The following CDH12 variants were observed in gnomAD, a reference collection of about 807,000 sequenced individuals.
The protein encoded by CDH12 is cadherin 12, also known as cadherin-12.
A neutral mutation model predicts 74.1 loss-of-function variants in CDH12; 41 were observed. The observed-to-expected ratio is 0.55, with a 90% CI of 0.43 to 0.72. CDH12 has a LOEUF of 0.72. CDH12 is among the 30% of genes least tolerant of loss of function. CDH12 has a pLI of 0.00. For missense variants in CDH12, 945 were observed against 977.2 expected, an observed-to-expected ratio of 0.97 and a Z score of 0.44; for synonymous variants, 399 against 355.0, an observed-to-expected ratio of 1.12 and a Z score of -1.39.
At chr5:21,780,763 A>AT (rs1490716865) in intron 11 of CDH12, among the ~76,000 whole-genome samples, 5 of 152,168 alleles carry the variant, frequency 3.3e-5, no homozygotes, top group Non-Finnish European at 7.3e-5. Flanking sequence ...TAGACAACTC[A>AT]TTTTCACCAT....
chr5:22,498,183 T>A (rs1170798884), intron 2 of CDH12, among the ~76,000 whole-genome samples: 1 of 152,162 alleles, frequency 6.6e-6, no homozygotes, highest in Non-Finnish European at 1.5e-5. Context: ...CAAACTACCA[T>A]TTCCCCTTCT....
At chr5:22,309,833 A>G (rs764076598) in intron 3 of CDH12, among the ~76,000 whole-genome samples, 10 of 152,006 alleles carry the variant, frequency 6.6e-5, no homozygotes, top group Admixed American at 2.0e-4. Context: ...TATTCTTCCA[A>G]AATAAACCCC....
At chr5:22,507,156 G>A (rs536593347) in intron 1 of CDH12, among the ~76,000 whole-genome samples, 53 of 152,196 alleles carry the variant, frequency 3.5e-4, no homozygotes, top group African/African-American at 1.3e-3. Flanking sequence ...TACAACCACA[G>A]CTACCTGATG....
chr5:22,630,712 T>C (rs1490845577), intron 1 of CDH12, among the ~76,000 whole-genome samples: 1 of 152,150 alleles, frequency 6.6e-6, no homozygotes, highest in Non-Finnish European at 1.5e-5. Flanking sequence ...AATGCCATTC[T>C]GGACATAGGC....
chr5:22,629,373 T>C (rs537222813), intron 1 of CDH12, among the ~76,000 whole-genome samples: 23 of 151,978 alleles, frequency 1.5e-4, no homozygotes, highest in Non-Finnish European at 3.1e-4. Flanking sequence ...AACAAAATAC[T>C]AGCAAACTGA....
chr5:22,392,306 C>A (rs1172713756), intron 3 of CDH12, among the ~76,000 whole-genome samples: 6 of 152,130 alleles, frequency 3.9e-5, no homozygotes, highest in Non-Finnish European at 8.8e-5. Context: ...TCACATATTA[C>A]ACTTACATCC....
At chr5:21,846,468 G>A (rs575593829) in intron 7 of CDH12, among the ~76,000 whole-genome samples, 1 of 152,142 alleles carries the variant, frequency 6.6e-6, no homozygotes, top group East Asian at 1.9e-4. Context: ...GAGTATGTCT[G>A]TTTTTCTGTT....
chr5:22,657,451 A>G (rs1407062270), intron 1 of CDH12, among the ~76,000 whole-genome samples: 1 of 152,178 alleles, frequency 6.6e-6, no homozygotes, highest in Non-Finnish European at 1.5e-5. Flanking sequence ...ACAAAAAACA[A>G]AGCTCTTCTA....
chr5:22,134,350 A>C (rs1163218618), intron 4 of CDH12, among the ~76,000 whole-genome samples: 1 of 152,086 alleles, frequency 6.6e-6, no homozygotes, highest in Non-Finnish European at 1.5e-5. Flanking sequence ...CTTCACTGGC[A>C]GGTCTCATTC....
chr5:22,444,921 T>A (rs561002840), intron 2 of CDH12, among the ~76,000 whole-genome samples: 305 of 152,186 alleles, frequency 2.0e-3, no homozygotes, highest in African/African-American at 7.1e-3. Context: ...TATACCATGT[T>A]CTCCAGAAGA....
At chr5:22,416,409 G>A (rs558934168) in intron 2 of CDH12, among the ~76,000 whole-genome samples, 3 of 152,222 alleles carry the variant, frequency 2.0e-5, no homozygotes, top group Admixed American at 6.5e-5. Flanking sequence ...TCTGGAATAT[G>A]ATAAAAAGTG....
At chr5:22,620,740 C>G (rs1050909315) in intron 1 of CDH12, among the ~76,000 whole-genome samples, 5 of 151,992 alleles carry the variant, frequency 3.3e-5, no homozygotes, top group Admixed American at 3.3e-4. Context: ...GAAACATAAT[C>G]TAATTATGGT....
intron 1 of CDH12, among the ~76,000 whole-genome samples, chr5:22,571,951 C>T (rs1411864997): frequency 6.6e-6 from 1 of 151,930 alleles, no homozygotes; most frequent in Non-Finnish European, 1.5e-5. Context: ...TGAAATATTG[C>T]AAGAATTATC....
intron 4 of CDH12, among the ~76,000 whole-genome samples, chr5:22,088,214 G>A (rs868686621): frequency 6.6e-6 from 1 of 152,098 alleles, no homozygotes; most frequent in African/African-American, 2.4e-5. Context: ...CTCTAGAAAT[G>A]GTCTTAAGTG....
intron 2 of CDH12, among the ~76,000 whole-genome samples, chr5:22,481,601 A>G (rs74348800): frequency 0.047 from 7,230 of 152,306 alleles, 229 homozygotes; most frequent in Middle Eastern, 0.092. Context: ...AGCCAGTCAC[A>G]GGAAAAATGC....
At chr5:22,051,214 T>C (rs1561059013) in intron 5 of CDH12, among the ~76,000 whole-genome samples, 1 of 152,062 alleles carries the variant, frequency 6.6e-6, no homozygotes, top group Non-Finnish European at 1.5e-5. Context: ...TCTTGCCCCA[T>C]CCTTGATGTT....
intron 1 of CDH12, among the ~76,000 whole-genome samples, chr5:22,625,998 C>A (rs1738270404): frequency 6.6e-6 from 1 of 152,156 alleles, no homozygotes; most frequent in Non-Finnish European, 1.5e-5. Context: ...TGCTCCCCCA[C>A]TGTACTGGCA....
At chr5:22,657,489 C>T (rs926181876) in intron 1 of CDH12, among the ~76,000 whole-genome samples, 4 of 152,260 alleles carry the variant, frequency 2.6e-5, no homozygotes, top group South Asian at 4.1e-4. Context: ...GTTTTTCTTA[C>T]GACACACAAT....
intron 3 of CDH12, among the ~76,000 whole-genome samples, chr5:22,307,873 GTTTTTTTTT>G (rs35242143): frequency 2.9e-5 from 2 of 68,674 alleles, no homozygotes; most frequent in East Asian, 5.1e-4. Flanking sequence ...CTTTCTTTTA[GTTTTTTTTT>G]TTTTTTTTTT....
Sources: allele counts gnomAD v4.1 joint callset (sites outside exome capture counted in the v4.1 genomes callset), GRCh38; gene constraint gnomAD v4.1.1; transcripts MANE v1.5; gene names NCBI Gene and HGNC (gene_info 2026-07-23, HGNC 2026-07-21).